ZNF503: variants seen among roughly 807,000 people sequenced by gnomAD.
ZNF503 encodes the protein zinc finger protein 503.
A neutral mutation model predicts 34.4 loss-of-function variants in ZNF503; 15 were observed. The ratio of observed to expected loss-of-function variants is 0.44; its 90% confidence interval spans 0.29 to 0.67. The LOEUF is 0.67. Among genes scored for constraint, ZNF503 ranks in the 30% least tolerant of loss-of-function variants. ZNF503 has a pLI of 0.13. For missense variants in ZNF503, 1,007 were observed against 926.8 expected, an observed-to-expected ratio of 1.09 and a Z score of -1.12; for synonymous variants, 580 against 456.8, an observed-to-expected ratio of 1.27 and a Z score of -3.44.
the ZNF503 span, among the ~76,000 whole-genome samples, chr10:75,328,313 A>T: frequency 6.6e-6 from 1 of 152,074 alleles, no homozygotes; most frequent in Non-Finnish European, 1.5e-5. Flanking sequence ...CTGCATGTGG[A>T]TATCTAGTTT....
chr10:75,375,290 T>G, the ZNF503 span, among the ~76,000 whole-genome samples: 1 of 150,592 alleles, frequency 6.6e-6, no homozygotes, highest in Non-Finnish European at 1.5e-5. Flanking sequence ...CTGGCTAATT[T>G]TTTTGTATTT....
chr10:75,395,561 C>CG (rs1431212219), downstream of ZNF503, among the ~76,000 whole-genome samples: 8 of 152,164 alleles, frequency 5.3e-5, no homozygotes, highest in Non-Finnish European at 7.4e-5. This position sits in a 1 kb window ranked among gnomAD's most constrained non-coding sequence, Gnocchi z 4.4. Flanking sequence ...CGCGGCTGTT[C>CG]GGGAAAAAGC....
chr10:75,369,059 T>C, the ZNF503 span, among the ~76,000 whole-genome samples: 1 of 152,270 alleles, frequency 6.6e-6, no homozygotes, highest in South Asian at 2.1e-4. Flanking sequence ...CTTTACACGC[T>C]GTTAGGAAAG....
the ZNF503 span, among the ~76,000 whole-genome samples, chr10:75,388,453 G>C: frequency 1.3e-5 from 2 of 152,222 alleles, no homozygotes; most frequent in African/African-American, 4.8e-5. Flanking sequence ...TCTCACACCT[G>C]CATTTGGGGA....
downstream of ZNF503, among the ~76,000 whole-genome samples, chr10:75,395,278 C>T (rs1843683684): frequency 6.6e-6 from 1 of 152,190 alleles, no homozygotes; most frequent in African/African-American, 2.4e-5. This position sits in a 1 kb window ranked among gnomAD's most constrained non-coding sequence, Gnocchi z 4.4. Context: ...AGGAAACAAG[C>T]GCAGAAGCTG....
At chr10:75,344,560 T>G in the ZNF503 span, among the ~76,000 whole-genome samples, 1 of 152,204 alleles carries the variant, frequency 6.6e-6, no homozygotes, top group Non-Finnish European at 1.5e-5. Flanking sequence ...CTGGAGTTCC[T>G]GCAGCCATCA....
chr10:75,342,292 G>C, the ZNF503 span, among the ~76,000 whole-genome samples: 5 of 152,154 alleles, frequency 3.3e-5, no homozygotes, highest in Non-Finnish European at 5.9e-5. Context: ...GTGGGTTTCA[G>C]CTCCCACTTG....
chr10:75,359,210 G>T, the ZNF503 span, among the ~76,000 whole-genome samples: 1 of 152,200 alleles, frequency 6.6e-6, no homozygotes, highest in Admixed American at 6.5e-5. Flanking sequence ...CACTCCCTCT[G>T]CCCCTTTGTG....
At chr10:75,357,828 G>A in the ZNF503 span, among the ~76,000 whole-genome samples, 1 of 152,182 alleles carries the variant, frequency 6.6e-6, no homozygotes, top group African/African-American at 2.4e-5. Context: ...GGAGGGGCAG[G>A]AATTGGAATA....
chr10:75,371,713 G>A, the ZNF503 span, among the ~76,000 whole-genome samples: 6 of 152,152 alleles, frequency 3.9e-5, no homozygotes, highest in African/African-American at 7.2e-5. Flanking sequence ...TATTAAGTCC[G>A]CAGATACTCC....
At chr10:75,395,468 C>T (rs1242731371), downstream of ZNF503, among the ~76,000 whole-genome samples, 2 of 152,190 alleles carry the variant, frequency 1.3e-5, no homozygotes, top group Admixed American at 6.5e-5. This position sits in a 1 kb window ranked among gnomAD's most constrained non-coding sequence, Gnocchi z 4.4. Context: ...CTCCTTCCTG[C>T]TCCGCCGGGC....
the ZNF503 span, among the ~76,000 whole-genome samples, chr10:75,289,657 C>T: frequency 6.6e-6 from 1 of 152,104 alleles, no homozygotes; most frequent in Non-Finnish European, 1.5e-5. Context: ...GTGATCTCAG[C>T]TCACTGCAAC....
the ZNF503 span, among the ~76,000 whole-genome samples, chr10:75,389,716 C>T: frequency 1.3e-5 from 2 of 152,242 alleles, no homozygotes; most frequent in South Asian, 2.1e-4. Context: ...GGCGACAAAA[C>T]GAGACTCCAT....
At chr10:75,343,076 G>A in the ZNF503 span, 4 of 152,206 alleles carry the variant, frequency 2.6e-5, no homozygotes, top group Non-Finnish European at 5.9e-5. Flanking sequence ...TGGGGGGAAG[G>A]AGGTACTTCC....
At chr10:75,385,966 C>T in the ZNF503 span, among the ~76,000 whole-genome samples, 112 of 152,282 alleles carry the variant, frequency 7.4e-4, no homozygotes, top group African/African-American at 2.6e-3. Context: ...TGACGCAATG[C>T]AGGCATCAGA....
chr10:75,367,293 AC>A, the ZNF503 span, among the ~76,000 whole-genome samples: 1 of 152,018 alleles, frequency 6.6e-6, no homozygotes, highest in South Asian at 2.1e-4. Flanking sequence ...TCTGTTCCTA[AC>A]AACCCCACCC....
At chr10:75,313,935 CAT>C in the ZNF503 span, among the ~76,000 whole-genome samples, 1 of 152,200 alleles carries the variant, frequency 6.6e-6, no homozygotes, top group South Asian at 2.1e-4. Context: ...GGAGGAAACA[CAT>C]GAGTGAAGTC....
At chr10:75,293,188 A>G in the ZNF503 span, among the ~76,000 whole-genome samples, 1 of 152,138 alleles carries the variant, frequency 6.6e-6, no homozygotes, top group Non-Finnish European at 1.5e-5. Flanking sequence ...TCAGAACAAG[A>G]TATCTTGCTC....
In ZNF503 at chr10:75,399,547, A is replaced by G. The variant is rs996765912; in HGVS notation, c.1143T>C (p.Leu381=). The G allele has an allele frequency of 1.3e-6, 2 of 1,593,106 alleles. No individual in the cohort carries two copies. Among genetic ancestry groups the G allele is most frequent in the South Asian group, 1.1e-5 (1 of 90,366 alleles). The change falls in exon 2 of 2, where the codon CTT becomes CTC. Residue 381 remains leucine, a synonymous_variant. Transcript: ENST00000372524. Reference sequence around the variant, plus strand: ...CCAGGCTGCCCGGCTTGGTGGGGTCAAGTGCCACGCCGTGTGGCAGGAACT... The same window carrying G: ...CCAGGCTGCCCGGCTTGGTGGGGTCGAGTGCCACGCCGTGTGGCAGGAACT... ...PPQFLPHGVA[L]DPTKPGSLVG...
Sources: gnomAD v4.1 joint callset for allele counts (sites outside exome capture counted in the v4.1 genomes callset) on GRCh38, gnomAD v4.1.1 for gene constraint, Gnocchi (gnomAD v3.1) non-coding constraint, MANE v1.5 for transcripts, NCBI Gene and HGNC (gene_info 2026-07-23, HGNC 2026-07-21) for gene names.